The following HPS4 variants were observed in gnomAD, a reference collection of about 807,000 sequenced individuals.
HPS4 encodes the protein HPS4 biogenesis of lysosomal organelles complex 3 subunit 2, also known as BLOC-3 complex member HPS4.
HPS4 carries 44 observed loss-of-function variants against 70.3 expected under a neutral mutation model. That is an observed-to-expected ratio of 0.63 (90% CI 0.49 to 0.80). The LOEUF (loss-of-function observed/expected upper bound fraction) is 0.80. HPS4 is among the 30% of genes least tolerant of loss of function. The pLI is 0.00. For missense variants in HPS4, 873 were observed against 884.4 expected, an observed-to-expected ratio of 0.99 and a Z score of 0.16; for synonymous variants, 377 against 355.9, an observed-to-expected ratio of 1.06 and a Z score of -0.67.
downstream of HPS4, among the ~76,000 whole-genome samples, chr22:26,449,452 T>C (rs1052098271): frequency 6.6e-6 from 1 of 150,660 alleles, no homozygotes; most frequent in Non-Finnish European, 1.5e-5. Context: ...GGCTTCGGCC[T>C]CCCGAGTAGC....
chr22:26,465,407 G>A (rs755722262), intron 10 of HPS4, 48 bp downstream of exon 10: 11 of 1,334,290 alleles, frequency 8.2e-6, no homozygotes, highest in Non-Finnish European at 1.2e-5. Context: ...TCACGCGATG[G>A]GGTCCCTCAG....
At chr22:26,461,948 G>C (rs1056332859) in intron 11 of HPS4, among the ~76,000 whole-genome samples, 1 of 152,038 alleles carries the variant, frequency 6.6e-6, no homozygotes, top group Admixed American at 6.6e-5. Flanking sequence ...CCAACATGGA[G>C]AAACCCCGTC....
downstream of HPS4, among the ~76,000 whole-genome samples, chr22:26,450,357 G>C (rs1008915599): frequency 2.0e-5 from 3 of 152,186 alleles, no homozygotes; most frequent in Non-Finnish European, 4.4e-5. Context: ...GGGCGGCATG[G>C]GAAGTACATC....
At position 26,464,669 on chromosome 22, in the gene HPS4, C is replaced by T; in HGVS notation, c.961G>A (p.Gly321Ser). 6.2e-7 allele frequency: 1 copy of T among 1,611,706 alleles called. No homozygotes were observed. The highest frequency in any genetic ancestry group is 8.5e-7 in the Non-Finnish European group (1 of 1,177,970). Residue 321 changes from glycine (G) to serine (S), a missense_variant, in exon 11 of 14, where the codon GGC (glycine) becomes AGC (serine). Physicochemically the swap from Gly to Ser is moderately conservative, Grantham distance 56 (BLOSUM62 0). Transcript: ENST00000398145. ...GACAAGCATCCGTTCTCCTTCCTGC[C>T]ATCTGGACAAGCTTCGTCAGGGGAT... ...PTSPDEACPD[G>S]RKENGCLSGH...
intron 8 of HPS4, chr22:26,467,475 T>C (rs2088878801): frequency 6.6e-6 from 1 of 152,236 alleles, no homozygotes; most frequent in South Asian, 2.1e-4. Context: ...GAGTATAAAT[T>C]TTTTTCAGCA....
At chr22:26,478,401 T>C (rs1420251887) in intron 3 of HPS4, among the ~76,000 whole-genome samples, 1 of 151,284 alleles carries the variant, frequency 6.6e-6, no homozygotes, top group Admixed American at 6.6e-5. Context: ...TAAAACCCCG[T>C]CCCTACTAAA....
At chr22:26,455,717 C>G (rs2085992220) in intron 13 of HPS4, among the ~76,000 whole-genome samples, 1 of 151,582 alleles carries the variant, frequency 6.6e-6, no homozygotes, top group Non-Finnish European at 1.5e-5. Flanking sequence ...GCACATGTAC[C>G]CTAAAACTTA....
Position 26,481,887 on chromosome 22 carries a change from G to C in HPS4, c.-125C>G, listed in dbSNP as rs2091321859. 5 of 943,288 alleles carry C rather than the reference G, an allele frequency of 5.3e-6. No homozygotes were observed. Among genetic ancestry groups the C allele is most frequent in the Non-Finnish European group, 8.6e-6 (5 of 580,476 alleles). The allele number at this position is 943,288 out of a possible 1,614,324, so 58.4% of individuals were successfully genotyped here. ...GAATCTGGACGTGGTAGGTTTCAGT[G>C]TTTTCAGTCACAACTGCCACTTGGT... On this transcript the variant is annotated 5_prime_UTR_variant, in exon 2 of 14. Coordinates refer to ENST00000398145, the MANE Select transcript of HPS4 (RefSeq NM_022081.6).
chr22:26,469,445 C>T (rs1319606619), intron 7 of HPS4, among the ~76,000 whole-genome samples: 2 of 151,934 alleles, frequency 1.3e-5, no homozygotes, highest in Non-Finnish European at 2.9e-5. Flanking sequence ...AAGACTGTGT[C>T]TCAAAAACAA....
chr22:26,483,125 G>A (rs9620611), intron 1 of HPS4, among the ~76,000 whole-genome samples: 29,953 of 152,118 alleles, frequency 0.2, 3,781 homozygotes, highest in Middle Eastern at 0.29. Flanking sequence ...AGATATTTTG[G>A]ATTGGGCCTC....
chr22:26,458,088 G>A (rs1194637354), intron 12 of HPS4, 121 bp from the exon 13 acceptor site: 19 of 886,012 alleles, frequency 2.1e-5, no homozygotes, highest in African/African-American at 6.6e-5. Flanking sequence ...TTGGCTGCCC[G>A]GGGCAGAGAC....
At chr22:26,454,478 A>G (rs1377682288) in intron 13 of HPS4, among the ~76,000 whole-genome samples, 1 of 152,214 alleles carries the variant, frequency 6.6e-6, no homozygotes, top group Non-Finnish European at 1.5e-5. Flanking sequence ...GAATGAGATT[A>G]AGTGAGTGCT....
In HPS4 at chr22:26,465,544, T is replaced by C. The variant is rs772573640; in HGVS notation, c.714A>G (p.Ala238=). ...GEDAPQEHGA[A]LPPNVQIIPV... ...GGATAATCTGGACATTCGGGGGCAATGCCGCTCCTGGAATTGCAAAGCAAT... is the reference window on the plus strand; with the variant it reads ...GGATAATCTGGACATTCGGGGGCAACGCCGCTCCTGGAATTGCAAAGCAAT... Residue 238 remains alanine (A), a synonymous_variant, in exon 10 of 14, where the codon GCA becomes GCG. Transcript: ENST00000398145. The C allele has an allele frequency of 1.9e-6, 3 of 1,613,798 alleles. No individual in the cohort carries two copies. Among genetic ancestry groups the C allele is most frequent in the South Asian group, 1.1e-5 (1 of 91,070 alleles).
At position 26,452,525 on chromosome 22, in the gene HPS4, C is replaced by T. The variant is rs2085389301; in HGVS notation, c.*708G>A. Reference sequence around the variant, plus strand: ...AGGCAGCGCAGGTTGGTCCTGTTGTCACTGAATTCTCAGGGCTCAGCCCCC... The same window carrying T: ...AGGCAGCGCAGGTTGGTCCTGTTGTTACTGAATTCTCAGGGCTCAGCCCCC... On this transcript the variant is annotated 3_prime_UTR_variant, in exon 14 of 14. Transcript: ENST00000398145. 2 of 349,420 alleles carry T rather than the reference C, an allele frequency of 5.7e-6. No individual in the cohort carries two copies. The highest frequency in any genetic ancestry group is 1.1e-5 in the Non-Finnish European group (2 of 178,438). The allele number at this position is 349,420 out of a possible 1,614,324, so 21.6% of individuals were successfully genotyped here. A position where few individuals can be genotyped will look rare whatever the true frequency, so the allele number is the denominator to read the frequency against.
intron 3 of HPS4, among the ~76,000 whole-genome samples, chr22:26,478,266 A>G (rs191806504): frequency 7.0e-4 from 106 of 152,172 alleles, no homozygotes; most frequent in Non-Finnish European, 1.3e-3. Flanking sequence ...AGGTTCAGAT[A>G]GGTCACATAA....
downstream of HPS4, among the ~76,000 whole-genome samples, chr22:26,450,414 G>A (rs2085106861): frequency 2.6e-5 from 4 of 152,234 alleles, no homozygotes; most frequent in South Asian, 6.2e-4. Flanking sequence ...CAGACACCAT[G>A]GAGGGCGACT....
At chr22:26,463,715 G>A (rs555596062) in intron 11 of HPS4, among the ~76,000 whole-genome samples, 64 of 152,318 alleles carry the variant, frequency 4.2e-4, no homozygotes, top group African/African-American at 1.4e-3. Context: ...AGTGCTATGC[G>A]CTTGACTCAC....
chr22:26,458,565 G>C lies in HPS4; in HGVS notation c.1726C>G (p.Leu576Val). ...AAIEEVYHSS[L>V]ASLNGLEVHL... Reference sequence around the variant, plus strand: ...ACTTCCAGCCCATTCAGTGAAGCCAGGCTGCTGTGGTACTGCAAAGGGGGA... The same window carrying C: ...ACTTCCAGCCCATTCAGTGAAGCCACGCTGCTGTGGTACTGCAAAGGGGGA... The change falls in exon 12 of 14, where the codon CTG becomes GTG. Residue 576 changes from leucine to valine, a missense_variant. Leu to Val is a conservative substitution (Grantham distance 32). Transcript: ENST00000398145. 1 of 1,614,142 alleles carries C rather than the reference G, an allele frequency of 6.2e-7. No individual in the cohort carries two copies. Among genetic ancestry groups the C allele is most frequent in the Non-Finnish European group, 8.5e-7 (1 of 1,180,006 alleles).
intron 4 of HPS4, chr22:26,476,091 GAATA>G (rs923467049): frequency 5.3e-5 from 8 of 152,072 alleles, no homozygotes; most frequent in Non-Finnish European, 8.8e-5. Context: ...ATAAAGGAAT[GAATA>G]GATAGGTAAT....
Sources: allele counts gnomAD v4.1 joint callset (sites outside exome capture counted in the v4.1 genomes callset), GRCh38; gene constraint gnomAD v4.1.1; transcripts MANE v1.5; gene names NCBI Gene and HGNC (gene_info 2026-07-23, HGNC 2026-07-21).